The following GLUL variants were observed in gnomAD, a reference collection of about 807,000 sequenced individuals.
GLUL encodes glutamate-ammonia ligase, also known as glutamine synthetase.
In GLUL, 8 loss-of-function variants were observed where a neutral mutation model predicts 36.9. The ratio of observed to expected loss-of-function variants is 0.22; its 90% confidence interval spans 0.13 to 0.39. The LOEUF is 0.39. Among genes scored for constraint, GLUL ranks in the 10% least tolerant of loss-of-function variants. GLUL has a pLI of 1.00. For missense variants in GLUL, 315 were observed against 501.8 expected (o/e 0.63, Z 3.56); for synonymous variants, 182 against 172.8 (o/e 1.05, Z -0.42).
rs1649860871 is a variant in GLUL, at chr1:182,379,715, T to G, written c.*4690A>C. ...ACGCCCAGCTAATTTTTCGTATTTT[T>G]TGTAGAGATGGGGTTTTGTCATGTT... On this transcript the variant is annotated 3_prime_UTR_variant, in exon 7 of 7. Transcript: ENST00000331872. 6.6e-6 allele frequency among the ~76,000 whole-genome samples: 1 copy of G among 151,152 alleles called. No homozygotes were observed. The highest frequency in any genetic ancestry group is 2.1e-4 in the South Asian group (1 of 4,776).
Position 182,386,331 on chromosome 1 carries a change from C to G in GLUL, c.400G>C (p.Glu134Gln), listed in dbSNP as rs767123642. 1 of 1,612,458 alleles carries G rather than the reference C, an allele frequency of 6.2e-7. No individual in the cohort carries two copies. The highest frequency in any genetic ancestry group is 1.1e-5 in the South Asian group (1 of 91,046). Residue 134 changes from glutamate (E) to glutamine (Q), a missense_variant, in exon 4 of 7, where the codon GAG (glutamate) becomes CAG (glutamine). Glu to Gln is a conservative substitution (Grantham distance 29). Coordinates refer to ENST00000331872, the MANE Select transcript of GLUL (RefSeq NM_001033044.4). ...GTCCCCATGAGGGTATACTCCTGCT[C>G]CATGCCAAACCAGGGGTGCTGGTTG... is the stretch of plus-strand genomic sequence containing the variant. ...VSNQHPWFGM[E>Q]QEYTLMGTDG...
chr1:182,388,969 T>A, intron 1 of GLUL: 1 of 509,932 alleles, frequency 2.0e-6, no homozygotes, highest in East Asian at 3.8e-5. Context: ...GTAAAACTGA[T>A]CACCACCTTT....
chr1:182,391,011 G>A (rs1650391733), intron 1 of GLUL: 4 of 397,254 alleles, frequency 1.0e-5, no homozygotes, highest in Non-Finnish European at 8.9e-6. Context: ...GGGGGGTCCG[G>A]GGGAGGGTGG....
chr1:182,385,311 T>C, intron 6 of GLUL, 46 bp downstream of exon 6: 1 of 1,432,272 alleles, frequency 7.0e-7, no homozygotes, highest in Non-Finnish European at 9.9e-7. Context: ...CCTCCCAAGT[T>C]TTCTGCCACA....
rs532199483 is a variant in GLUL at position 182,385,376 on chromosome 1, G to T, written c.784C>A (p.Arg262=). 1.1e-5 allele frequency: 18 copies of T among 1,612,924 alleles called. 1 individual carries two copies. In the East Asian group the frequency reaches 2.5e-4, roughly 22 times the overall value. ...ACTCACTTCAGACCATTCTCCTCCC[G>T]CATGGCCTTGGTGCTGAAGTTGGTA... The part of the protein sequence containing the change: ...CHTNFSTKAM[R]EENGLKYIEE... The change falls in exon 6 of 7, where the codon CGG becomes AGG. Residue 262 remains arginine, a synonymous_variant. Transcript: ENST00000331872.
At chr1:182,391,518 G>A (rs985459759) in intron 1 of GLUL, 161 bp downstream of exon 1, 1 of 317,216 alleles carries the variant, frequency 3.2e-6, no homozygotes, top group Non-Finnish European at 5.7e-6. Flanking sequence ...CACGCGGGAG[G>A]AGCACTCATG....
chr1:182,388,544 T>C (rs759964315), intron 2 of GLUL, 28 bp downstream of exon 2: 2 of 1,602,204 alleles, frequency 1.2e-6, no homozygotes, highest in Middle Eastern at 1.7e-4. Flanking sequence ...CCACCCAGCA[T>C]GTGCTCCACT....
intron 1 of GLUL, chr1:182,389,196 C>T (rs1650307331): frequency 5.3e-6 from 1 of 188,450 alleles, no homozygotes; most frequent in Non-Finnish European, 1.1e-5. Context: ...TCAGAGGAAA[C>T]AAATCAAAAC....
intron 1 of GLUL, chr1:182,388,978 T>C: frequency 4.1e-6 from 2 of 486,130 alleles, no homozygotes; most frequent in Non-Finnish European, 7.6e-6. Context: ...ATCACCACCT[T>C]TTGAAACAAT....
rs1456753591 is a variant in GLUL, at chr1:182,383,701, C to A, written c.*704G>T. The A allele has an allele frequency of 6.6e-6, 1 of 152,244 alleles. No homozygotes were observed. Among genetic ancestry groups the A allele is most frequent in the African/African-American group, 2.4e-5 (1 of 41,442 alleles). The allele number at this position is 152,244 out of a possible 1,614,324, so 9.4% of individuals were successfully genotyped here. A position where few individuals can be genotyped will look rare whatever the true frequency, so the allele number is the denominator to read the frequency against. ...TTTCCTTTAGCAAAACACACATAAT[C>A]CACAAAACCATACATATAGTTTTTT... On this transcript the variant is annotated 3_prime_UTR_variant, in exon 7 of 7. Coordinates refer to ENST00000331872, the MANE Select transcript of GLUL (RefSeq NM_001033044.4).
chr1:182,384,201 A>G lies in GLUL; in HGVS notation c.*204T>C. On this transcript the variant is annotated 3_prime_UTR_variant, in exon 7 of 7. Coordinates refer to ENST00000331872, the MANE Select transcript of GLUL (RefSeq NM_001033044.4). ...AAAAGCTTCAGTGATAGGGAAAAAA[A>G]GGAGGGTAGGTGTGAAGAAATTAAT... 3 of 579,028 alleles carry G rather than the reference A, an allele frequency of 5.2e-6. No individual in the cohort carries two copies. Among genetic ancestry groups the G allele is most frequent in the African/African-American group, 1.9e-5 (1 of 53,406 alleles). The allele number at this position is 579,028 out of a possible 1,614,324, so 35.9% of individuals were successfully genotyped here.
intron 1 of GLUL, 200 bp downstream of exon 1, chr1:182,391,479 C>T: frequency 2.7e-6 from 1 of 367,932 alleles, no homozygotes; most frequent in Non-Finnish European, 4.8e-6. Context: ...GCGCCAGCCC[C>T]GACGGGTCCA....
chr1:182,387,389 A>G (rs1038081970), intron 2 of GLUL, 97 bp from the exon 3 acceptor site: 30 of 884,732 alleles, frequency 3.4e-5, no homozygotes, highest in Non-Finnish European at 5.6e-5. Flanking sequence ...CCATCTCTAA[A>G]TATCTCTTTT....
At position 182,380,489 on chromosome 1, in the gene GLUL, C is replaced by T. The variant is rs1218077281; in HGVS notation, c.*3916G>A. On this transcript the variant is annotated 3_prime_UTR_variant, in exon 7 of 7. Transcript: ENST00000331872. ...AAAAAATTATTTTGTGGAGTCTGGA[C>T]CTCACTACATTGCCTAGAACGGTCT... Among the ~76,000 whole-genome samples, 1 of 152,106 alleles carries T rather than the reference C, an allele frequency of 6.6e-6. No homozygotes were observed. The highest frequency in any genetic ancestry group is 1.9e-4 in the East Asian group (1 of 5,150).
rs1371300247 is a variant in GLUL at position 182,388,848 on chromosome 1, G to GT, written c.-13-99dup. 1.1e-4 allele frequency: 101 copies of GT among 898,348 alleles called. No individual in the cohort carries two copies. In the Middle Eastern group the frequency reaches 2.1e-3, roughly 19 times the overall value. The allele number at this position is 898,348 out of a possible 1,614,324, so 55.6% of individuals were successfully genotyped here. A position where few individuals can be genotyped will look rare whatever the true frequency, so the allele number is the denominator to read the frequency against. ...GGACGACTGAATCAAAAGTCAGAGT[G>GT]TAAGTGCCAACTCCTTCCCTTGTGG... On this transcript the variant is annotated intron_variant, in intron 1 of 6. Transcript: ENST00000331872.
In GLUL at chr1:182,382,981, T is replaced by C. The variant is rs960887701; in HGVS notation, c.*1424A>G. 2.0e-5 allele frequency: 3 copies of C among 152,168 alleles called. No individual in the cohort carries two copies. The highest frequency in any genetic ancestry group is 4.8e-5 in the African/African-American group (2 of 41,432). The allele number at this position is 152,168 out of a possible 1,614,324, so 9.4% of individuals were successfully genotyped here. ...GAGTTATTTGACTTTGAACATACTGTACATGGCAATTAGAAGTTGTCATGG... is the reference window on the plus strand; with the variant it reads ...GAGTTATTTGACTTTGAACATACTGCACATGGCAATTAGAAGTTGTCATGG... On this transcript the variant is annotated 3_prime_UTR_variant, in exon 7 of 7. Coordinates refer to ENST00000331872, the MANE Select transcript of GLUL (RefSeq NM_001033044.4).
In GLUL at chr1:182,384,547, C is replaced by T. The variant is rs1447844809; in HGVS notation, c.980G>A (p.Arg327Gln). 5.0e-6 allele frequency: 8 copies of T among 1,614,136 alleles called. No homozygotes were observed. Among genetic ancestry groups the T allele is most frequent in the African/African-American group, 1.3e-5 (1 of 75,018 alleles). Residue 327 changes from arginine to glutamine, a missense_variant, in exon 7 of 7, where the codon CGG (arginine) becomes CAG (glutamine). Arg to Gln is a conservative substitution (Grantham distance 43). Coordinates refer to ENST00000331872, the MANE Select transcript of GLUL (RefSeq NM_001033044.4). ...ACCCTTCTTCTCCTGGCCAACAGTC[C>T]GGGGAATGCGTATGCTGGCGCTACG... The part of the protein sequence containing the change: ...ANRSASIRIP[R>Q]TVGQEKKGYF...
chr1:182,386,555 A>G (rs961993722), intron 3 of GLUL, 153 bp from the exon 4 acceptor site: 1 of 731,346 alleles, frequency 1.4e-6, no homozygotes, highest in African/African-American at 1.7e-5. Context: ...GGGATCACCG[A>G]GTCAGAAAAA....
At chr1:182,384,841 CTTCTT>C in intron 6 of GLUL, 118 bp from the exon 7 acceptor site, 2 of 772,836 alleles carry the variant, frequency 2.6e-6, no homozygotes, top group Non-Finnish European at 4.6e-6. Context: ...GTGGCTGCAT[CTTCTT>C]ACCTGTGTGT....
Sources: allele counts gnomAD v4.1 joint callset (sites outside exome capture counted in the v4.1 genomes callset), GRCh38; gene constraint gnomAD v4.1.1; transcripts MANE v1.5; gene names NCBI Gene and HGNC (gene_info 2026-07-23, HGNC 2026-07-21).